Variants in XKR6 observed in about 807,000 individuals in gnomAD.
XKR6 encodes the protein XK related 6.
In XKR6, 22 loss-of-function variants were observed where a neutral mutation model predicts 56.7. The observed-to-expected ratio is 0.39, with a 90% confidence interval of 0.28 to 0.55. The LOEUF is 0.55. Ranked by LOEUF, XKR6 falls within the 20% of genes least tolerant of loss-of-function variation. The pLI, the probability that XKR6 is intolerant of heterozygous loss-of-function variation, is 0.66. For missense variants in XKR6, 852 were observed against 889.0 expected, an observed-to-expected ratio of 0.96 and a Z score of 0.53; for synonymous variants, 524 against 387.8, an observed-to-expected ratio of 1.35 and a Z score of -4.13.
chr8:11,130,871 G>A (rs1800070792), intron 1 of XKR6, among the ~76,000 whole-genome samples: 1 of 152,126 alleles, frequency 6.6e-6, no homozygotes, highest in Non-Finnish European at 1.5e-5. Context: ...CCACTTGACT[G>A]CAGCAATGGT....
intron 1 of XKR6, among the ~76,000 whole-genome samples, chr8:11,182,047 G>A (rs1335958044): frequency 1.3e-5 from 2 of 152,196 alleles, no homozygotes; most frequent in African/African-American, 4.8e-5. Flanking sequence ...CCAAAGTGCT[G>A]GGATTACAGG....
At chr8:11,121,712 G>A (rs1799464236) in intron 1 of XKR6, among the ~76,000 whole-genome samples, 1 of 152,194 alleles carries the variant, frequency 6.6e-6, no homozygotes, top group Non-Finnish European at 1.5e-5. Context: ...TATAAATCAT[G>A]CTGCTATAAA....
At chr8:11,030,326 G>A (rs761154959) in intron 1 of XKR6, among the ~76,000 whole-genome samples, 20 of 152,308 alleles carry the variant, frequency 1.3e-4, no homozygotes, top group Non-Finnish European at 2.4e-4. Context: ...GTTCTAAACT[G>A]CACAGATTGA....
chr8:10,985,186 C>T (rs1797832790), intron 1 of XKR6, among the ~76,000 whole-genome samples: 2 of 152,134 alleles, frequency 1.3e-5, no homozygotes, highest in African/African-American at 2.4e-5. Context: ...TGAATTGTAG[C>T]TCCCATAATT....
chr8:11,029,705 T>C (rs1342648759), intron 1 of XKR6, among the ~76,000 whole-genome samples: 1 of 152,046 alleles, frequency 6.6e-6, no homozygotes, highest in Non-Finnish European at 1.5e-5. Context: ...GACCTCATTG[T>C]CCCTCCTTGC....
chr8:11,131,623 G>T (rs766320972), intron 1 of XKR6, among the ~76,000 whole-genome samples: 8 of 152,146 alleles, frequency 5.3e-5, no homozygotes, highest in Non-Finnish European at 1.0e-4. Flanking sequence ...GAAGTAGTCA[G>T]TGTTGTCTAG....
At chr8:11,177,421 A>T (rs7845844) in intron 1 of XKR6, among the ~76,000 whole-genome samples, 203 of 152,338 alleles carry the variant, frequency 1.3e-3, no homozygotes, top group African/African-American at 4.0e-3. Flanking sequence ...AAAACCCATT[A>T]TGCTAAGAAA....
chr8:10,943,991 TCTCTC>T (rs1801461436), intron 1 of XKR6, among the ~76,000 whole-genome samples: 1 of 152,002 alleles, frequency 6.6e-6, no homozygotes. Flanking sequence ...CCTGGAGGCC[TCTCTC>T]CTCCAATATC....
At chr8:11,038,475 CAGAT>C (rs1363333566) in intron 1 of XKR6, among the ~76,000 whole-genome samples, 12 of 148,752 alleles carry the variant, frequency 8.1e-5, no homozygotes, top group Non-Finnish European at 1.6e-4. Context: ...TTCATGGACT[CAGAT>C]AAGTAATTGT....
rs562305426 is a variant in XKR6, at chr8:11,084,168, C to G, written c.764+116408G>C. 2.0e-5 allele frequency among the ~76,000 whole-genome samples: 3 copies of G among 152,312 alleles called. No homozygotes were observed. The South Asian group carries it at 6.2e-4, about 32-fold the overall frequency. On this transcript the variant is annotated intron_variant, in intron 1 of 2. Coordinates refer to ENST00000416569, the MANE Select transcript of XKR6 (RefSeq NM_173683.4). ...TGGGTATCTTCCAGATCGGACTTCC[C>G]ACAGTTTGGTTTATCCACAAACAGT...
Position 11,027,943 on chromosome 8 carries a change from T to A in XKR6, c.765-103113A>T, listed in dbSNP as rs144565956. Among the ~76,000 whole-genome samples the A allele has an allele frequency of 1.3e-4, 20 of 152,238 alleles. No individual in the cohort carries two copies. In the East Asian group the frequency reaches 3.5e-3, roughly 26 times the overall value. On this transcript the variant is annotated intron_variant, in intron 1 of 2. Coordinates refer to ENST00000416569, the MANE Select transcript of XKR6 (RefSeq NM_173683.4). ...AGAGTGGTGCACTTGTTGCAATCGA[T>A]GAATCTACATTGACAGATCGTCATC...
intron 1 of XKR6, among the ~76,000 whole-genome samples, chr8:10,983,679 G>A (rs1206347413): frequency 6.7e-6 from 1 of 149,174 alleles, no homozygotes; most frequent in African/African-American, 2.5e-5. Flanking sequence ...TTTTTGAGAT[G>A]GAGTCTCACT....
intron 2 of XKR6, among the ~76,000 whole-genome samples, chr8:10,913,103 GTATA>G (rs1458344523): frequency 6.6e-6 from 1 of 151,092 alleles, no homozygotes; most frequent in Non-Finnish European, 1.5e-5. Flanking sequence ...TAGAGAGAGA[GTATA>G]TATATAGAGG....
intron 1 of XKR6, among the ~76,000 whole-genome samples, chr8:11,192,803 T>A (rs1803653589): frequency 6.6e-6 from 1 of 152,164 alleles, no homozygotes; most frequent in African/African-American, 2.4e-5. Flanking sequence ...AATGGCCCCG[T>A]GGGCTCTCCT....
intron 1 of XKR6, among the ~76,000 whole-genome samples, chr8:11,085,316 G>C (rs1223353421): frequency 6.6e-6 from 1 of 152,190 alleles, no homozygotes; most frequent in Non-Finnish European, 1.5e-5. Context: ...AGGGTCCTTG[G>C]AGTGCCTGCT....
intron 1 of XKR6, among the ~76,000 whole-genome samples, chr8:10,925,302 C>A (rs938191637): frequency 6.6e-6 from 1 of 152,192 alleles, no homozygotes. Flanking sequence ...ACGTGCCATT[C>A]GCTGGCTGGC....
intron 1 of XKR6, among the ~76,000 whole-genome samples, chr8:11,181,412 T>G (rs1263483811): frequency 1.3e-5 from 2 of 152,234 alleles, no homozygotes; most frequent in African/African-American, 4.8e-5. Context: ...TGGATCGCCT[T>G]TTTATACAAG....
At chr8:11,023,761 G>A (rs574297016) in intron 1 of XKR6, among the ~76,000 whole-genome samples, 5 of 152,270 alleles carry the variant, frequency 3.3e-5, no homozygotes, top group Non-Finnish European at 5.9e-5. Flanking sequence ...GGCCTCCTGC[G>A]GATCATTTCT....
chr8:11,033,379 G>A (rs1184692041), intron 1 of XKR6, among the ~76,000 whole-genome samples: 2 of 147,210 alleles, frequency 1.4e-5, no homozygotes, highest in African/African-American at 5.3e-5. Context: ...GGTGATGGTG[G>A]TGGTGATGAT....
Sources: allele counts gnomAD v4.1 joint callset (sites outside exome capture counted in the v4.1 genomes callset), GRCh38; gene constraint gnomAD v4.1.1; transcripts MANE v1.5; gene names NCBI Gene and HGNC (gene_info 2026-07-23, HGNC 2026-07-21).